Variants in SSBP2 observed in about 807,000 individuals in gnomAD.
SSBP2 encodes the protein single stranded DNA binding protein 2, also known as single-stranded DNA-binding protein 2.
Under a neutral mutation model 61.8 loss-of-function variants are expected in SSBP2, and 17 were observed. That is an observed-to-expected ratio of 0.28 (90% CI 0.19 to 0.41). The LOEUF (loss-of-function observed/expected upper bound fraction) is 0.41. Among genes scored for constraint, SSBP2 ranks in the 10% least tolerant of loss-of-function variants. The pLI, the probability that SSBP2 is intolerant of heterozygous loss-of-function variation, is 1.00. For synonymous variants in SSBP2, 139 were observed against 141.3 expected, an observed-to-expected ratio of 0.98 and a Z score of 0.12; for missense variants, 310 against 458.7, an observed-to-expected ratio of 0.68 and a Z score of 2.96.
chr5:81,556,900 C>A (rs1772650403), intron 4 of SSBP2, among the ~76,000 whole-genome samples: 1 of 152,176 alleles, frequency 6.6e-6, no homozygotes, highest in Non-Finnish European at 1.5e-5. Context: ...TAAATTAATA[C>A]ATGCAAAACT....
At chr5:81,751,457 G>A (rs1244825900), upstream of SSBP2, among the ~76,000 whole-genome samples, 1 of 151,980 alleles carries the variant, frequency 6.6e-6, no homozygotes, top group Non-Finnish European at 1.5e-5. Flanking sequence ...CGCCGCCCGC[G>A]CTCAGCTCCT....
chr5:81,458,098 A>T (rs1041146879), intron 10 of SSBP2, among the ~76,000 whole-genome samples: 7 of 152,176 alleles, frequency 4.6e-5, no homozygotes, highest in Non-Finnish European at 1.0e-4. Context: ...AAGGTTAAGA[A>T]AGGCCAAAAC....
intron 5 of SSBP2, among the ~76,000 whole-genome samples, chr5:81,498,593 A>AT (rs1466068068): frequency 6.6e-6 from 1 of 152,116 alleles, no homozygotes; most frequent in Non-Finnish European, 1.5e-5. Context: ...AACCAAAAGC[A>AT]TAAACATTCT....
intron 8 of SSBP2, among the ~76,000 whole-genome samples, chr5:81,471,244 TC>T (rs1222871303): frequency 6.6e-6 from 1 of 151,758 alleles, no homozygotes; most frequent in Admixed American, 6.6e-5. Flanking sequence ...CTATTAAAAC[TC>T]ATCAATAAGA....
chr5:81,421,479 C>T (rs1006466657), intron 16 of SSBP2, among the ~76,000 whole-genome samples: 1 of 152,130 alleles, frequency 6.6e-6, no homozygotes, highest in African/African-American at 2.4e-5. Context: ...AGGCGTGAGA[C>T]CCTGTGCTCG....
chr5:81,423,082 G>GA (rs1185043447), intron 16 of SSBP2, among the ~76,000 whole-genome samples: 6 of 152,312 alleles, frequency 3.9e-5, no homozygotes, highest in Middle Eastern at 3.4e-3. Context: ...TACTAGAGTA[G>GA]AAAAAATCAG....
At chr5:81,625,114 C>A (rs1436962482) in intron 3 of SSBP2, among the ~76,000 whole-genome samples, 1 of 152,036 alleles carries the variant, frequency 6.6e-6, no homozygotes, top group Non-Finnish European at 1.5e-5. Flanking sequence ...TTAACAAATG[C>A]TTTTGGCTGA....
intron 4 of SSBP2, among the ~76,000 whole-genome samples, chr5:81,531,620 G>A (rs763028109): frequency 6.6e-6 from 1 of 152,072 alleles, no homozygotes; most frequent in Non-Finnish European, 1.5e-5. Context: ...TACAATATAT[G>A]AAGAATAAAG....
At chr5:81,554,514 T>A (rs143642128) in intron 4 of SSBP2, among the ~76,000 whole-genome samples, 285 of 151,640 alleles carry the variant, frequency 1.9e-3, no homozygotes, top group African/African-American at 5.9e-3. Context: ...ATAAAAACAC[T>A]ATGTATATCC....
chr5:81,504,817 A>AGG (rs200309844), intron 5 of SSBP2, among the ~76,000 whole-genome samples: 1 of 152,196 alleles, frequency 6.6e-6, no homozygotes, highest in Non-Finnish European at 1.5e-5. Context: ...TATGAATGGC[A>AGG]GGGGGGCAAT....
intron 4 of SSBP2, among the ~76,000 whole-genome samples, chr5:81,583,616 C>A (rs891047399): frequency 3.4e-4 from 46 of 134,066 alleles, no homozygotes; most frequent in Non-Finnish European, 6.6e-4. Flanking sequence ...GGCGACAGAG[C>A]GAGACACCGT....
intron 1 of SSBP2, among the ~76,000 whole-genome samples, chr5:81,731,333 A>G (rs1289163925): frequency 6.6e-6 from 1 of 152,176 alleles, no homozygotes; most frequent in Non-Finnish European, 1.5e-5. Flanking sequence ...TAGTAATAAT[A>G]ATGACTAATA....
At chr5:81,627,860 G>C (rs1201228475) in intron 3 of SSBP2, among the ~76,000 whole-genome samples, 1 of 152,002 alleles carries the variant, frequency 6.6e-6, no homozygotes, top group Admixed American at 6.6e-5. Flanking sequence ...CCAGGAGTTT[G>C]AGACCAGCCT....
chr5:81,713,681 T>C (rs1754960276), intron 1 of SSBP2, among the ~76,000 whole-genome samples: 1 of 152,090 alleles, frequency 6.6e-6, no homozygotes, highest in African/African-American at 2.4e-5. Flanking sequence ...CTCCACTCTT[T>C]AGAACTTTTT....
At chr5:81,521,819 A>G (rs763250680) in intron 4 of SSBP2, among the ~76,000 whole-genome samples, 1 of 151,934 alleles carries the variant, frequency 6.6e-6, no homozygotes, top group Non-Finnish European at 1.5e-5. Flanking sequence ...GATCTGGTAA[A>G]CCTCACAAGG....
At chr5:81,542,729 G>T (rs1193978588) in intron 4 of SSBP2, among the ~76,000 whole-genome samples, 2 of 151,874 alleles carry the variant, frequency 1.3e-5, no homozygotes, top group Non-Finnish European at 2.9e-5. Context: ...GGTGGGAGGT[G>T]ATTGGATCAT....
intron 1 of SSBP2, among the ~76,000 whole-genome samples, chr5:81,717,638 T>C (rs1755249189): frequency 6.6e-6 from 1 of 152,142 alleles, no homozygotes; most frequent in Non-Finnish European, 1.5e-5. Context: ...AAGCATAATA[T>C]ATGAAAAACC....
intron 16 of SSBP2, among the ~76,000 whole-genome samples, chr5:81,425,377 T>TA: frequency 6.6e-6 from 1 of 152,300 alleles, no homozygotes; most frequent in South Asian, 2.1e-4. Flanking sequence ...ATGATTACAT[T>TA]AAAAAATTGG....
At position 81,435,333 on chromosome 5, in the gene SSBP2, G is replaced by C. The variant is rs530730643; in HGVS notation, c.957+2097C>G. Reference sequence around the variant, plus strand: ...GCCTCAGTAGGCGTCAACATTTACTGAATGAAGGAACTCCTGCCTAAGAAT... The same window carrying C: ...GCCTCAGTAGGCGTCAACATTTACTCAATGAAGGAACTCCTGCCTAAGAAT... On this transcript the variant is annotated intron_variant, in intron 15 of 16. Transcript: ENST00000320672. Among the ~76,000 whole-genome samples, 27 of 152,294 alleles carry C rather than the reference G, an allele frequency of 1.8e-4. No homozygotes were observed. In the South Asian group the frequency reaches 5.4e-3, roughly 30 times the overall value.
Sources: allele counts gnomAD v4.1 joint callset (sites outside exome capture counted in the v4.1 genomes callset), GRCh38; gene constraint gnomAD v4.1.1; transcripts MANE v1.5; gene names NCBI Gene and HGNC (gene_info 2026-07-23, HGNC 2026-07-21).